The following YWHAB variants were observed in gnomAD, a reference collection of about 807,000 sequenced individuals.
YWHAB encodes tyrosine 3-monooxygenase/tryptophan 5-monooxygenase activation protein beta.
YWHAB carries 2 observed loss-of-function variants against 28.5 expected under a neutral mutation model. The observed-to-expected ratio is 0.07, with a 90% CI of 0.03 to 0.22. The LOEUF is 0.22. Among genes scored for constraint, YWHAB ranks in the 10% least tolerant of loss-of-function variants. The pLI, the probability that YWHAB is intolerant of heterozygous loss-of-function variation, is 1.00. For missense variants in YWHAB, 148 were observed against 297.1 expected, an observed-to-expected ratio of 0.50 and a Z score of 3.69; for synonymous variants, 103 against 104.7, an observed-to-expected ratio of 0.98 and a Z score of 0.10.
chr20:44,899,673 C>A (rs555953457), intron 1 of YWHAB, among the ~76,000 whole-genome samples: 1 of 152,116 alleles, frequency 6.6e-6, no homozygotes, highest in Non-Finnish European at 1.5e-5. Flanking sequence ...TTATTTTATC[C>A]AAAAATTACT....
intron 1 of YWHAB, among the ~76,000 whole-genome samples, chr20:44,892,413 G>A (rs1286502189): frequency 6.6e-6 from 1 of 151,440 alleles, no homozygotes; most frequent in Non-Finnish European, 1.5e-5. Flanking sequence ...ACCCTTAAAC[G>A]TGTGCTGTTT....
chr20:44,903,783 A>G (rs533728681), intron 2 of YWHAB: 2 of 493,808 alleles, frequency 4.1e-6, no homozygotes, highest in East Asian at 4.0e-5. Flanking sequence ...ATTATCCCCT[A>G]TGGATGGTCA....
chr20:44,892,930 A>G (rs2066571592), intron 1 of YWHAB, among the ~76,000 whole-genome samples: 1 of 152,212 alleles, frequency 6.6e-6, no homozygotes, highest in Non-Finnish European at 1.5e-5. Context: ...AATTTCTAAC[A>G]AATTATTAAA....
rs1447651806 is a variant in YWHAB, at chr20:44,907,479, G to A, written c.*1041G>A. 1 of 152,204 alleles carries A rather than the reference G, an allele frequency of 6.6e-6. No individual in the cohort carries two copies. Among genetic ancestry groups the A allele is most frequent in the African/African-American group, 2.4e-5 (1 of 41,440 alleles). 9.4% of individuals were successfully genotyped at this position (152,204 alleles called of 1,614,324 possible). A position where few individuals can be genotyped will look rare whatever the true frequency, so the allele number is the denominator to read the frequency against. On this transcript the variant is annotated 3_prime_UTR_variant, in exon 6 of 6. Coordinates refer to ENST00000353703, the MANE Select transcript of YWHAB (RefSeq NM_139323.4). ...AAAAGAAAACAAAAAACAAAAAAAGGAATGATGTTCTGTAGAGATGGCCTT... is the reference window on the plus strand; with the variant it reads ...AAAAGAAAACAAAAAACAAAAAAAGAAATGATGTTCTGTAGAGATGGCCTT...
At chr20:44,890,088 A>C (rs2066551512) in intron 1 of YWHAB, among the ~76,000 whole-genome samples, 1 of 152,142 alleles carries the variant, frequency 6.6e-6, no homozygotes, top group African/African-American at 2.4e-5. Flanking sequence ...TGATGGATGG[A>C]TATTTTTGTT....
At chr20:44,886,643 A>G (rs1259889971) in intron 1 of YWHAB, 2 of 152,092 alleles carry the variant, frequency 1.3e-5, no homozygotes, top group East Asian at 3.9e-4. Flanking sequence ...AAATTCCCCC[A>G]TATTGTGTGT....
rs938777133 is a variant in YWHAB, at chr20:44,905,891, C to T, written c.589-110C>T. 5.7e-5 allele frequency: 44 copies of T among 769,864 alleles called. No individual in the cohort carries two copies. In the African/African-American group the frequency reaches 6.9e-4, roughly 12 times the overall value. 47.7% of individuals were successfully genotyped at this position (769,864 alleles called of 1,614,324 possible). ...ACAGGGTAATAATAGCCTAGGTTCCCCCAAAGTACTGTACAAGAAGATAAG... is the reference window on the plus strand; with the variant it reads ...ACAGGGTAATAATAGCCTAGGTTCCTCCAAAGTACTGTACAAGAAGATAAG... On this transcript the variant is annotated intron_variant, in intron 4 of 5. Transcript: ENST00000353703.
Position 44,901,575 on chromosome 20 carries a change from C to A in YWHAB, c.42C>A (p.Leu14=). 6.2e-7 allele frequency: 1 copy of A among 1,608,706 alleles called. No individual in the cohort carries two copies. The change falls in exon 2 of 6, where the codon CTC becomes CTA. Residue 14 remains leucine, a synonymous_variant. Transcript: ENST00000353703. ...GTGAGCTGGTACAGAAAGCCAAACT[C>A]GCTGAGCAGGCTGAGCGATATGATG... The part of the protein sequence containing the change: ...DKSELVQKAK[L]AEQAERYDDM...
chr20:44,889,181 T>A (rs149737756), intron 1 of YWHAB, among the ~76,000 whole-genome samples: 155 of 152,324 alleles, frequency 1.0e-3, no homozygotes, highest in African/African-American at 3.1e-3. Context: ...ATCCTTTTGA[T>A]CTCTATGTGA....
intron 4 of YWHAB, chr20:44,905,727 G>T: frequency 3.4e-6 from 1 of 296,330 alleles, no homozygotes. Flanking sequence ...ACACGCGTTT[G>T]CCCAGAATGA....
Position 44,906,483 on chromosome 20 carries a change from C to T in YWHAB, c.*45C>T. ...TCTGTTCAGTGTCACTCTGTACCCT[C>T]AACATATATCCCTTGTGCGATAAAA... On this transcript the variant is annotated 3_prime_UTR_variant, in exon 6 of 6. Coordinates refer to ENST00000353703, the MANE Select transcript of YWHAB (RefSeq NM_139323.4). The T allele has an allele frequency of 1.1e-6, 1 of 891,860 alleles. No homozygotes were observed. Among genetic ancestry groups the T allele is most frequent in the South Asian group, 1.4e-5 (1 of 70,192 alleles). The allele number at this position is 891,860 out of a possible 1,614,324, so 55.2% of individuals were successfully genotyped here.
intron 1 of YWHAB, among the ~76,000 whole-genome samples, chr20:44,888,550 C>G (rs562937371): frequency 3.9e-5 from 6 of 152,316 alleles, no homozygotes; most frequent in East Asian, 3.9e-4. Context: ...GTGGTAGAGA[C>G]AGCACATGTA....
chr20:44,887,305 A>C (rs908158986), intron 1 of YWHAB: 1 of 152,354 alleles, frequency 6.6e-6, no homozygotes, highest in East Asian at 1.9e-4. Context: ...ATGGAAGGCT[A>C]ATAATCCTGT....
chr20:44,893,383 CT>C (rs996120914), intron 1 of YWHAB, among the ~76,000 whole-genome samples: 6 of 151,870 alleles, frequency 4.0e-5, no homozygotes, highest in African/African-American at 1.2e-4. Flanking sequence ...CAGAAAAACA[CT>C]TTTTTTCTTA....
Position 44,908,179 on chromosome 20 carries a change from A to AC in YWHAB, c.*1741_*1742insC, listed in dbSNP as rs1235352233. ...ACCAAAAAAAAAGAAAAAAACAAAA[A>AC]AAAAAATCCCTCCTTTCTAGCTGAA... On this transcript the variant is annotated 3_prime_UTR_variant, in exon 6 of 6. Coordinates refer to ENST00000353703, the MANE Select transcript of YWHAB (RefSeq NM_139323.4). 1.3e-5 allele frequency: 2 copies of AC among 152,052 alleles called. No individual in the cohort carries two copies. Among genetic ancestry groups the AC allele is most frequent in the African/African-American group, 4.9e-5 (2 of 41,226 alleles). The allele number at this position is 152,052 out of a possible 1,614,324, so 9.4% of individuals were successfully genotyped here.
chr20:44,897,501 A>G (rs1366610251), intron 1 of YWHAB, among the ~76,000 whole-genome samples: 2 of 152,210 alleles, frequency 1.3e-5, no homozygotes, highest in African/African-American at 4.8e-5. Flanking sequence ...TTTAGAAACC[A>G]TGAAGTAGGG....
chr20:44,892,689 A>G (rs1329895039), intron 1 of YWHAB, among the ~76,000 whole-genome samples: 4 of 152,246 alleles, frequency 2.6e-5, no homozygotes, highest in African/African-American at 4.8e-5. Flanking sequence ...AACCAGCACT[A>G]TATGGGCATT....
At position 44,901,840 on chromosome 20, in the gene YWHAB, G is replaced by C. The variant is rs1400143506; in HGVS notation, c.300+7G>C. On this transcript the variant is annotated splice_region_variant and intron_variant, in intron 2 of 5. Transcript: ENST00000353703. ...CATCTGCAATGATGTTCTGGTAAGAGGCCAGTGCTTCTGTTTTGAACAGTG... is the reference window on the plus strand; with the variant it reads ...CATCTGCAATGATGTTCTGGTAAGACGCCAGTGCTTCTGTTTTGAACAGTG... 6.3e-7 allele frequency: 1 copy of C among 1,586,358 alleles called. No individual in the cohort carries two copies. Among genetic ancestry groups the C allele is most frequent in the Admixed American group, 1.7e-5 (1 of 58,788 alleles).
At position 44,907,039 on chromosome 20, in the gene YWHAB, A is replaced by G. The variant is rs1056450953; in HGVS notation, c.*601A>G. 2.0e-5 allele frequency: 3 copies of G among 152,202 alleles called. No homozygotes were observed. Among genetic ancestry groups the G allele is most frequent in the Non-Finnish European group, 4.4e-5 (3 of 68,044 alleles). 9.4% of individuals were successfully genotyped at this position (152,202 alleles called of 1,614,324 possible). ...GTCCACAGTGTCTTCCTCTGAGGAA[A>G]CTCGAATCCTGAAATGGAAATTCTT... On this transcript the variant is annotated 3_prime_UTR_variant, in exon 6 of 6. Coordinates refer to ENST00000353703, the MANE Select transcript of YWHAB (RefSeq NM_139323.4).
Sources: gnomAD v4.1 joint callset for allele counts (sites outside exome capture counted in the v4.1 genomes callset) on GRCh38, gnomAD v4.1.1 for gene constraint, MANE v1.5 for transcripts, NCBI Gene and HGNC (gene_info 2026-07-23, HGNC 2026-07-21) for gene names.